The following ANP32A variants were observed in gnomAD, a reference collection of about 807,000 sequenced individuals.
ANP32A encodes the protein acidic leucine-rich nuclear phosphoprotein 32 family member A.
In ANP32A, 1 loss-of-function variant was observed where a neutral mutation model predicts 33.9. The observed-to-expected ratio is 0.03, with a 90% CI of 0.01 to 0.14. The LOEUF is 0.14. Ranked by LOEUF, ANP32A falls within the 10% of genes least tolerant of loss-of-function variation. ANP32A has a pLI of 1.00. For missense variants in ANP32A, 155 were observed against 306.0 expected, an observed-to-expected ratio of 0.51 and a Z score of 3.68; for synonymous variants, 115 against 120.5, an observed-to-expected ratio of 0.95 and a Z score of 0.30.
chr15:68,779,167 G>A lies in ANP32A; in HGVS notation c.*914C>T, dbSNP rs1596061524. On this transcript the variant is annotated 3_prime_UTR_variant, in exon 7 of 7. Transcript: ENST00000465139. ...ATTTTGCGTTAGTTTTTCCGTGCTC[G>A]GGTGTATGAAAAAAAAAACCCAGCC... 1.3e-5 allele frequency: 2 copies of A among 151,818 alleles called. No individual in the cohort carries two copies. The highest frequency in any genetic ancestry group is 2.4e-5 in the African/African-American group (1 of 41,322). 9.4% of individuals were successfully genotyped at this position (151,818 alleles called of 1,614,324 possible). A position where few individuals can be genotyped will look rare whatever the true frequency, so the allele number is the denominator to read the frequency against.
rs1296845000 is a variant in ANP32A at position 68,780,120 on chromosome 15, T to G, written c.711A>C (p.Arg237=). 1 of 1,613,664 alleles carries G rather than the reference T, an allele frequency of 6.2e-7. No individual in the cohort carries two copies. The highest frequency in any genetic ancestry group is 1.3e-5 in the African/African-American group (1 of 74,908). The change falls in exon 7 of 7, where the codon CGA becomes CGC. Residue 237 remains arginine, a synonymous_variant. Transcript: ENST00000465139. The surrounding 1 kb of genome is among the most constrained non-coding windows in gnomAD (Gnocchi z 4.3). The part of the protein sequence containing the change: ...ELGEEERGQK[R]KREPEDEGED... ...CTCCCTCATCTTCAGGTTCTCGTTT[T>G]CGCTTCTGACCCCTTTCTTCTTCTG...
At chr15:68,809,941 CAT>C (rs1162179917) in intron 1 of ANP32A, among the ~76,000 whole-genome samples, 3 of 152,212 alleles carry the variant, frequency 2.0e-5, no homozygotes, top group Non-Finnish European at 4.4e-5. Context: ...ATTAAACACT[CAT>C]AATCTGGAAT....
intron 1 of ANP32A, among the ~76,000 whole-genome samples, chr15:68,793,210 T>C (rs1894020165): frequency 6.6e-6 from 1 of 152,252 alleles, no homozygotes; most frequent in Non-Finnish European, 1.5e-5. Flanking sequence ...ACAAATGTCC[T>C]GTTTATTGCG....
In ANP32A at chr15:68,793,959, G is replaced by T. The variant is rs147848755; in HGVS notation, c.55-6040C>A. Among the ~76,000 whole-genome samples the T allele has an allele frequency of 7.2e-5, 11 of 152,304 alleles. No homozygotes were observed. In the East Asian group the frequency reaches 2.1e-3, roughly 29 times the overall value. Reference sequence around the variant, plus strand: ...GTAAGAACTGCTCCTTCTTTTTCTAGTACTTCCTGAGGCAACAAGGAAAGG... The same window carrying T: ...GTAAGAACTGCTCCTTCTTTTTCTATTACTTCCTGAGGCAACAAGGAAAGG... On this transcript the variant is annotated intron_variant, in intron 1 of 6. Coordinates refer to ENST00000465139, the MANE Select transcript of ANP32A (RefSeq NM_006305.4).
chr15:68,780,543 G>C lies in ANP32A; in HGVS notation c.625-70C>G, dbSNP rs1596062219. ...TGGGACATGCTGAGGAAGCCACACA[G>C]AGCACAAAAAGGCCGGGGTCACCCC... On this transcript the variant is annotated intron_variant, in intron 5 of 6. Transcript: ENST00000465139. This position sits in a 1 kb window ranked among gnomAD's most constrained non-coding sequence, Gnocchi z 4.3. 5.6e-6 allele frequency: 9 copies of C among 1,598,110 alleles called. No homozygotes were observed. The highest frequency in any genetic ancestry group is 4.5e-5 in the East Asian group (2 of 44,694).
chr15:68,784,939 G>A (rs1356301720), intron 3 of ANP32A, among the ~76,000 whole-genome samples: 1 of 152,188 alleles, frequency 6.6e-6, no homozygotes, highest in Non-Finnish European at 1.5e-5. Flanking sequence ...GAGCCAAGAG[G>A]TTTACTGCCT....
intron 1 of ANP32A, among the ~76,000 whole-genome samples, chr15:68,792,469 G>A (rs1567035637): frequency 6.6e-6 from 1 of 152,160 alleles, no homozygotes; most frequent in Non-Finnish European, 1.5e-5. Context: ...TGTACTTCCT[G>A]AAAAACTTGT....
chr15:68,782,613 A>G (rs1264911176), intron 5 of ANP32A, among the ~76,000 whole-genome samples: 2 of 152,200 alleles, frequency 1.3e-5, no homozygotes, highest in Admixed American at 1.3e-4. Context: ...TAAGTGCTCA[A>G]TGAATATCTT....
At position 68,788,061 on chromosome 15, in the gene ANP32A, C is replaced by T. The variant is rs1893955134; in HGVS notation, c.55-142G>A. 21 of 1,080,370 alleles carry T rather than the reference C, an allele frequency of 1.9e-5. No homozygotes were observed. In the South Asian group the frequency reaches 2.8e-4, roughly 14 times the overall value. 66.9% of individuals were successfully genotyped at this position (1,080,370 alleles called of 1,614,324 possible). A position where few individuals can be genotyped will look rare whatever the true frequency, so the allele number is the denominator to read the frequency against. ...CGTCACTTCTTCTAGCTTTCCGGAT[C>T]ACTGTGCTGCCAACGACCACAGGAT... On this transcript the variant is annotated intron_variant, in intron 1 of 6. Coordinates refer to ENST00000465139, the MANE Select transcript of ANP32A (RefSeq NM_006305.4).
intron 1 of ANP32A, among the ~76,000 whole-genome samples, chr15:68,819,143 T>C (rs1894435065): frequency 6.7e-6 from 1 of 149,852 alleles, no homozygotes; most frequent in Non-Finnish European, 1.5e-5. Context: ...GGGATTCGGG[T>C]TTAACGGGCT....
chr15:68,809,205 A>C (rs1230914100), intron 1 of ANP32A, among the ~76,000 whole-genome samples: 1 of 152,246 alleles, frequency 6.6e-6, no homozygotes, highest in East Asian at 1.9e-4. Flanking sequence ...GCCTTGATTC[A>C]CCAAGGATCT....
rs1893828503 is a variant in ANP32A, at chr15:68,778,958, C to CA, written c.*1122dup. 6.6e-6 allele frequency: 1 copy of CA among 152,068 alleles called. No homozygotes were observed. Among genetic ancestry groups the CA allele is most frequent in the African/African-American group, 2.4e-5 (1 of 41,394 alleles). The allele number at this position is 152,068 out of a possible 1,614,324, so 9.4% of individuals were successfully genotyped here. ...ATCAATGACAAACAGACATAAAACT[C>CA]AAAGTTTGGCTCTTCTGAGGGGCAG... On this transcript the variant is annotated 3_prime_UTR_variant, in exon 7 of 7. Coordinates refer to ENST00000465139, the MANE Select transcript of ANP32A (RefSeq NM_006305.4).
At chr15:68,801,206 GGAA>G (rs1555423696) in intron 1 of ANP32A, among the ~76,000 whole-genome samples, 4 of 138,824 alleles carry the variant, frequency 2.9e-5, no homozygotes, top group Non-Finnish European at 6.1e-5. Context: ...CTGCCTTAAA[GGAA>G]GAAGAAGAAG....
In ANP32A at chr15:68,778,804, A is replaced by G. The variant is rs1363775190; in HGVS notation, c.*1277T>C. 6.6e-6 allele frequency: 1 copy of G among 152,192 alleles called. No homozygotes were observed. Among genetic ancestry groups the G allele is most frequent in the Non-Finnish European group, 1.5e-5 (1 of 68,040 alleles). The allele number at this position is 152,192 out of a possible 1,614,324, so 9.4% of individuals were successfully genotyped here. A position where few individuals can be genotyped will look rare whatever the true frequency, so the allele number is the denominator to read the frequency against. ...ATCTCATAAGAAAAGCTATTCTATC[A>G]GGTAACAAAAATGAAGCTTCCCCCT... On this transcript the variant is annotated 3_prime_UTR_variant, in exon 7 of 7. Transcript: ENST00000465139.
At chr15:68,792,101 T>C (rs1894004669) in intron 1 of ANP32A, 1 of 151,430 alleles carries the variant, frequency 6.6e-6, no homozygotes, top group Non-Finnish European at 1.5e-5. Flanking sequence ...ACATCCCTTT[T>C]CCACCCAGGG....
At chr15:68,791,300 CA>C (rs1893994967) in intron 1 of ANP32A, 1 of 152,234 alleles carries the variant, frequency 6.6e-6, no homozygotes, top group African/African-American at 2.4e-5. Flanking sequence ...TGAAGGTTCT[CA>C]TGTCACTTAC....
chr15:68,787,589 C>G, intron 2 of ANP32A, 54 bp from the exon 3 acceptor site: 1 of 1,611,772 alleles, frequency 6.2e-7, no homozygotes, highest in Non-Finnish European at 8.5e-7. Flanking sequence ...TGAAGGCTAC[C>G]GGCTCAGAGC....
chr15:68,795,435 C>G (rs1894051589), intron 1 of ANP32A, among the ~76,000 whole-genome samples: 1 of 152,202 alleles, frequency 6.6e-6, no homozygotes, highest in Non-Finnish European at 1.5e-5. Flanking sequence ...AGCTGAGGCG[C>G]GCTGCAGCGG....
intron 1 of ANP32A, among the ~76,000 whole-genome samples, chr15:68,807,154 C>T (rs1894241646): frequency 6.6e-6 from 1 of 152,228 alleles, no homozygotes; most frequent in African/African-American, 2.4e-5. Context: ...CCTAGGTGGA[C>T]ACAGTTTGCT....
Sources: allele counts gnomAD v4.1 joint callset (sites outside exome capture counted in the v4.1 genomes callset), GRCh38; gene constraint gnomAD v4.1.1; non-coding constraint Gnocchi (gnomAD v3.1); transcripts MANE v1.5; gene names NCBI Gene and HGNC (gene_info 2026-07-23, HGNC 2026-07-21).